Variants in ZDHHC7 observed in about 807,000 individuals in gnomAD.
The protein encoded by ZDHHC7 is zDHHC palmitoyltransferase 7, also known as palmitoyltransferase ZDHHC7.
Under a neutral mutation model 34.1 loss-of-function variants are expected in ZDHHC7, and 12 were observed. That is an observed-to-expected ratio of 0.35 (90% CI 0.23 to 0.57). The LOEUF (loss-of-function observed/expected upper bound fraction) is 0.57. ZDHHC7 is among the 20% of genes least tolerant of loss of function. The pLI is 0.84. For synonymous variants in ZDHHC7, 185 were observed against 155.4 expected (o/e 1.19, Z -1.42); for missense variants, 388 against 402.7 (o/e 0.96, Z 0.31).
At chr16:84,989,494 A>C (rs916762948) in intron 3 of ZDHHC7, among the ~76,000 whole-genome samples, 2 of 152,050 alleles carry the variant, frequency 1.3e-5, no homozygotes, top group East Asian at 3.9e-4. Context: ...TCAGGAGTTC[A>C]AGACCAGCCT....
intron 3 of ZDHHC7, chr16:84,988,942 C>T (rs865925768): frequency 1.7e-5 from 25 of 1,483,698 alleles, no homozygotes; most frequent in Middle Eastern, 1.8e-4. Context: ...TCTCCTTTGT[C>T]GAAGTGCCTG....
chr16:84,977,799 C>A (rs1480785313), intron 6 of ZDHHC7, 125 bp downstream of exon 6: 1 of 757,114 alleles, frequency 1.3e-6, no homozygotes. Context: ...CTTTAAAATT[C>A]AATTGCTAAA....
At chr16:84,984,320 C>A (rs1455853094) in intron 3 of ZDHHC7, among the ~76,000 whole-genome samples, 3 of 152,154 alleles carry the variant, frequency 2.0e-5, no homozygotes, top group African/African-American at 7.2e-5. Context: ...CGTGCCTGGC[C>A]TGGAGTCTTC....
the ZDHHC7 span, among the ~76,000 whole-genome samples, chr16:85,017,392 C>T: frequency 2.0e-5 from 3 of 152,136 alleles, no homozygotes; most frequent in African/African-American, 7.2e-5. Context: ...ACCGAACTTC[C>T]GCACACTGCT....
At chr16:84,988,391 T>C (rs2143625707) in intron 3 of ZDHHC7, among the ~76,000 whole-genome samples, 1 of 152,274 alleles carries the variant, frequency 6.6e-6, no homozygotes, top group East Asian at 1.9e-4. Flanking sequence ...CGAGGATGGA[T>C]TTAGTGCTAT....
At chr16:84,992,493 G>A (rs2072524176) in intron 2 of ZDHHC7, among the ~76,000 whole-genome samples, 1 of 152,134 alleles carries the variant, frequency 6.6e-6, no homozygotes, top group Non-Finnish European at 1.5e-5. Flanking sequence ...AGAAAAAAGT[G>A]CACTTTTCCT....
At position 85,009,350 on chromosome 16, in the gene ZDHHC7, T is replaced by G. The variant is rs143732794; in HGVS notation, c.-104+1936A>C. On this transcript the variant is annotated intron_variant, in intron 1 of 7. Transcript: ENST00000313732. The stretch of plus-strand genomic sequence containing the variant: ...TTATATAAAGTTCATTTCAGTGCTT[T>G]CTTTCTCACTGAGAGGGCCATTCTA... 4.5e-4 allele frequency among the ~76,000 whole-genome samples: 68 copies of G among 152,200 alleles called. 1 individual carries two copies. Among genetic ancestry groups the G allele is most frequent in the African/African-American group, 1.6e-3 (65 of 41,438 alleles).
At chr16:84,997,895 TAAA>T (rs751166134) in intron 1 of ZDHHC7, among the ~76,000 whole-genome samples, 89 of 64,434 alleles carry the variant, frequency 1.4e-3, no homozygotes, top group African/African-American at 5.3e-3. Context: ...AGACTCCGTC[TAAA>T]AAAAAAAAAA....
At chr16:84,992,791 C>T (rs1244600112) in intron 2 of ZDHHC7, among the ~76,000 whole-genome samples, 1 of 152,176 alleles carries the variant, frequency 6.6e-6, no homozygotes, top group Non-Finnish European at 1.5e-5. Flanking sequence ...CAGGTCACTA[C>T]AACTGAGTAA....
At chr16:84,979,069 C>T in intron 5 of ZDHHC7, 120 bp downstream of exon 5, 1 of 938,048 alleles carries the variant, frequency 1.1e-6, no homozygotes, top group Non-Finnish European at 1.6e-6. Context: ...TAATTTGAAT[C>T]CTGGAGAAAA....
the ZDHHC7 span, among the ~76,000 whole-genome samples, chr16:85,025,442 C>G: frequency 2.0e-5 from 3 of 151,850 alleles, no homozygotes; most frequent in African/African-American, 7.3e-5. Flanking sequence ...CTAAGTCTCA[C>G]TCCGTCGACA....
At chr16:85,027,359 G>T in the ZDHHC7 span, among the ~76,000 whole-genome samples, 1 of 152,184 alleles carries the variant, frequency 6.6e-6, no homozygotes, top group African/African-American at 2.4e-5. Context: ...GTAACTAGGG[G>T]ATAGGGAGGG....
upstream of ZDHHC7, among the ~76,000 whole-genome samples, chr16:85,016,227 G>T (rs2072833603): frequency 6.6e-6 from 1 of 151,920 alleles, no homozygotes; most frequent in African/African-American, 2.4e-5. Context: ...TCACTATGTT[G>T]CCCAGGCTGG....
At chr16:85,014,088 C>A (rs192886566), upstream of ZDHHC7, among the ~76,000 whole-genome samples, 112 of 152,284 alleles carry the variant, frequency 7.4e-4, 1 homozygote, top group Non-Finnish European at 3.2e-4. Context: ...AATCTTTGCG[C>A]CCATTTTAAA....
chr16:84,998,939 G>C (rs1252605004), intron 1 of ZDHHC7, among the ~76,000 whole-genome samples: 2 of 151,924 alleles, frequency 1.3e-5, no homozygotes, highest in African/African-American at 4.8e-5. Flanking sequence ...ATTTTTAGTA[G>C]AAACAGGGTT....
intron 2 of ZDHHC7, among the ~76,000 whole-genome samples, chr16:84,992,917 G>A (rs1303245380): frequency 6.6e-6 from 1 of 152,102 alleles, no homozygotes; most frequent in Non-Finnish European, 1.5e-5. Context: ...GGATTCATTC[G>A]CCAAATACTT....
At chr16:84,984,307 C>T (rs1374563110) in intron 3 of ZDHHC7, among the ~76,000 whole-genome samples, 1 of 152,144 alleles carries the variant, frequency 6.6e-6, no homozygotes, top group Non-Finnish European at 1.5e-5. Flanking sequence ...AGGTATGAGC[C>T]ACCGTGCCTG....
At chr16:85,006,707 T>G (rs2072721276) in intron 1 of ZDHHC7, among the ~76,000 whole-genome samples, 1 of 151,942 alleles carries the variant, frequency 6.6e-6, no homozygotes, top group Non-Finnish European at 1.5e-5. Context: ...GCTACTGCAC[T>G]CCAGCCTAGG....
upstream of ZDHHC7, among the ~76,000 whole-genome samples, chr16:85,013,990 A>T (rs2072824078): frequency 6.6e-6 from 1 of 152,156 alleles, no homozygotes; most frequent in South Asian, 2.1e-4. Flanking sequence ...ACTCAGCCTA[A>T]TTTGTCTTTG....
Sources: gnomAD v4.1 joint callset for allele counts (sites outside exome capture counted in the v4.1 genomes callset) on GRCh38, gnomAD v4.1.1 for gene constraint, MANE v1.5 for transcripts, NCBI Gene and HGNC (gene_info 2026-07-23, HGNC 2026-07-21) for gene names.